The following CDC42 variants were observed in gnomAD, a reference collection of about 807,000 sequenced individuals.
The protein encoded by CDC42 is cell division control protein 42 homolog.
A neutral mutation model predicts 20.8 loss-of-function variants in CDC42; 1 was observed. The ratio of observed to expected loss-of-function variants is 0.05; its 90% confidence interval spans 0.02 to 0.23. CDC42 has a LOEUF of 0.23. CDC42 is among the 10% of genes least tolerant of loss of function. The pLI, the probability that CDC42 is intolerant of heterozygous loss-of-function variation, is 1.00. For missense variants in CDC42, 49 were observed against 227.9 expected, an observed-to-expected ratio of 0.21 and a Z score of 5.05; for synonymous variants, 72 against 84.8, an observed-to-expected ratio of 0.85 and a Z score of 0.83.
At position 22,071,204 on chromosome 1, in the gene CDC42, C is replaced by T. The variant is rs1490043188; in HGVS notation, c.-50-7225C>T. On this transcript the variant is annotated intron_variant, in intron 1 of 5. Coordinates refer to ENST00000656825, the MANE Select transcript of CDC42 (RefSeq NM_001791.4). ...GACTACAGGCGCCTGCCACCACGCCCGGCTAATTTTTTTGTATTTTTAGTA... is the reference window on the plus strand; with the variant it reads ...GACTACAGGCGCCTGCCACCACGCCTGGCTAATTTTTTTGTATTTTTAGTA... Among the ~76,000 whole-genome samples the T allele has an allele frequency of 4.6e-5, 7 of 151,676 alleles. No individual in the cohort carries two copies. The East Asian group carries it at 5.8e-4, about 13-fold the overall frequency.
chr1:22,085,965 C>A (rs542854017), intron 3 of CDC42, among the ~76,000 whole-genome samples: 2 of 152,288 alleles, frequency 1.3e-5, no homozygotes, highest in Non-Finnish European at 2.9e-5. Flanking sequence ...TCTGCCTCAG[C>A]CTTCCAAGTA....
chr1:22,054,891 G>GTGTATATATATA (rs1351864605), intron 1 of CDC42, among the ~76,000 whole-genome samples: 2 of 71,884 alleles, frequency 2.8e-5, no homozygotes, highest in African/African-American at 1.1e-4. Flanking sequence ...TTGAATTTAT[G>GTGTATATATATA]TATATATATA....
At chr1:22,062,140 T>A (rs1335408230) in intron 1 of CDC42, among the ~76,000 whole-genome samples, 1 of 152,046 alleles carries the variant, frequency 6.6e-6, no homozygotes, top group Non-Finnish European at 1.5e-5. Context: ...TTCACCACGT[T>A]GGCCAGGCTG....
At chr1:22,091,296 G>T in intron 5 of CDC42, 132 bp from the exon 6 acceptor site, 2 of 611,484 alleles carry the variant, frequency 3.3e-6, no homozygotes, top group Non-Finnish European at 3.0e-6. Context: ...AGATTATTGT[G>T]TTGAGATTCA....
chr1:22,086,582 T>A, intron 4 of CDC42, 34 bp downstream of exon 4: 1 of 1,585,068 alleles, frequency 6.3e-7, no homozygotes, highest in Non-Finnish European at 8.7e-7. Flanking sequence ...CCTAAGAAGA[T>A]CATCTCAGAA....
At chr1:22,084,606 A>G (rs1451224398) in intron 3 of CDC42, among the ~76,000 whole-genome samples, 3 of 151,196 alleles carry the variant, frequency 2.0e-5, no homozygotes, top group African/African-American at 7.3e-5. Flanking sequence ...ATTTTTTCCT[A>G]TTTTGTGGGT....
chr1:22,076,642 C>G (rs555612697), intron 1 of CDC42, among the ~76,000 whole-genome samples: 24 of 152,274 alleles, frequency 1.6e-4, no homozygotes, highest in African/African-American at 5.5e-4. Context: ...ATGTTTTGAA[C>G]AGTACATAGC....
chr1:22,071,032 C>CTTT (rs1298283635), intron 1 of CDC42, among the ~76,000 whole-genome samples: 1 of 121,188 alleles, frequency 8.3e-6, no homozygotes. Flanking sequence ...ACAAGCATTT[C>CTTT]TTTTTTTTTC....
At chr1:22,075,259 A>G (rs1645535561) in intron 1 of CDC42, among the ~76,000 whole-genome samples, 1 of 152,186 alleles carries the variant, frequency 6.6e-6, no homozygotes, top group South Asian at 2.1e-4. Flanking sequence ...TACATGCCAA[A>G]TGCTTTGCAG....
In CDC42 at chr1:22,088,091, C is replaced by A. The variant is rs16826550; in HGVS notation, c.486+1225C>A. Among the ~76,000 whole-genome samples, 539 of 152,274 alleles carry A rather than the reference C, an allele frequency of 3.5e-3. 1 individual carries two copies. The highest frequency in any genetic ancestry group is 4.9e-3 in the Non-Finnish European group (332 of 68,020). ...ATTTAAAAGTTTAGAAGATTTTACA[C>A]CTTCTCATGCATAGCAACTGTTTTG... On this transcript the variant is annotated intron_variant, in intron 5 of 5. Coordinates refer to ENST00000656825, the MANE Select transcript of CDC42 (RefSeq NM_001791.4).
chr1:22,090,871 C>G (rs1645709038), intron 5 of CDC42: 2 of 914,160 alleles, frequency 2.2e-6, no homozygotes, highest in Non-Finnish European at 1.3e-6. Flanking sequence ...TATCAGGTAC[C>G]CACATTTTTG....
chr1:22,077,934 G>T (rs769651581), intron 1 of CDC42, among the ~76,000 whole-genome samples: 4 of 152,178 alleles, frequency 2.6e-5, no homozygotes, highest in Non-Finnish European at 5.9e-5. Context: ...TATAATTACC[G>T]TGTGATCGTG....
intron 1 of CDC42, among the ~76,000 whole-genome samples, chr1:22,060,700 T>G (rs902348453): frequency 1.3e-5 from 2 of 152,224 alleles, no homozygotes; most frequent in Non-Finnish European, 2.9e-5. Context: ...TCATTACAAC[T>G]TTACTAGTAT....
intron 5 of CDC42, among the ~76,000 whole-genome samples, chr1:22,087,334 C>G (rs1487584239): frequency 1.3e-5 from 2 of 152,204 alleles, no homozygotes; most frequent in African/African-American, 4.8e-5. Context: ...AAGAAGGCAG[C>G]CATGGCTATT....
At chr1:22,070,142 A>G (rs1457217939) in intron 1 of CDC42, among the ~76,000 whole-genome samples, 1 of 152,212 alleles carries the variant, frequency 6.6e-6, no homozygotes, top group Non-Finnish European at 1.5e-5. Flanking sequence ...TGTAAAAAGT[A>G]AAGTAGAGAT....
intron 5 of CDC42, among the ~76,000 whole-genome samples, chr1:22,091,153 G>A (rs1427905928): frequency 6.6e-6 from 1 of 152,202 alleles, no homozygotes; most frequent in Non-Finnish European, 1.5e-5. Context: ...ACATGTGCTT[G>A]TTTGCTTCTT....
chr1:22,065,836 A>C (rs1037688620), intron 1 of CDC42, among the ~76,000 whole-genome samples: 1 of 152,036 alleles, frequency 6.6e-6, no homozygotes, highest in Non-Finnish European at 1.5e-5. Context: ...ATCTCAGCTC[A>C]CTGCAACCTC....
intron 2 of CDC42, among the ~76,000 whole-genome samples, chr1:22,080,001 T>G (rs1263471495): frequency 6.6e-6 from 1 of 152,200 alleles, no homozygotes; most frequent in Non-Finnish European, 1.5e-5. Context: ...GTTCTCATGG[T>G]ACCTGTTGAA....
Position 22,081,742 on chromosome 1 carries a change from C to A in CDC42, c.126C>A (p.Val42=). The change falls in exon 3 of 6, where the codon GTC becomes GTA. Residue 42 remains valine (V), a synonymous_variant. Coordinates refer to ENST00000656825, the MANE Select transcript of CDC42 (RefSeq NM_001791.4). ...TTTAGGTTTTTGACAACTATGCAGT[C>A]ACAGTTATGATTGGTGGAGAACCAT... ...YVPTVFDNYA[V]TVMIGGEPYT... The A allele has an allele frequency of 6.2e-7, 1 of 1,611,884 alleles. No homozygotes were observed. Among genetic ancestry groups the A allele is most frequent in the South Asian group, 1.1e-5 (1 of 90,874 alleles).
Sources: allele counts gnomAD v4.1 joint callset (sites outside exome capture counted in the v4.1 genomes callset), GRCh38; gene constraint gnomAD v4.1.1; transcripts MANE v1.5; gene names NCBI Gene and HGNC (gene_info 2026-07-23, HGNC 2026-07-21).